SMYD3: variants seen among roughly 807,000 people sequenced by gnomAD.
The protein encoded by SMYD3 is histone-lysine N-methyltransferase SMYD3.
Under a neutral mutation model 57.7 loss-of-function variants are expected in SMYD3, and 36 were observed. That is an observed-to-expected ratio of 0.62 (90% CI 0.48 to 0.82). The LOEUF (loss-of-function observed/expected upper bound fraction) is 0.82. Ranked by LOEUF, SMYD3 falls within the 40% of genes least tolerant of loss-of-function variation. SMYD3 has a pLI of 0.00. For synonymous variants in SMYD3, 211 were observed against 195.0 expected, an observed-to-expected ratio of 1.08 and a Z score of -0.68; for missense variants, 515 against 538.8, an observed-to-expected ratio of 0.96 and a Z score of 0.44.
At chr1:246,224,453 G>C (rs1437511851) in intron 5 of SMYD3, among the ~76,000 whole-genome samples, 1 of 152,112 alleles carries the variant, frequency 6.6e-6, no homozygotes, top group South Asian at 2.1e-4. Flanking sequence ...CAATACATCA[G>C]AGAGGAAACC....
At chr1:246,088,613 GA>G (rs35382575) in intron 5 of SMYD3, among the ~76,000 whole-genome samples, 116,355 of 147,288 alleles carry the variant, frequency 0.79, 46,493 homozygotes, top group Admixed American at 0.84. Context: ...CCGTCTCAAA[GA>G]AAAAAAAAAG....
intron 5 of SMYD3, among the ~76,000 whole-genome samples, chr1:245,974,064 A>G (rs895442997): frequency 6.6e-6 from 1 of 151,978 alleles, no homozygotes; most frequent in South Asian, 2.1e-4. Flanking sequence ...CTTCCTCCAG[A>G]CCCTGACTTG....
At chr1:246,075,496 T>C (rs1345519692) in intron 5 of SMYD3, among the ~76,000 whole-genome samples, 1 of 152,160 alleles carries the variant, frequency 6.6e-6, no homozygotes, top group Non-Finnish European at 1.5e-5. Flanking sequence ...TCTAGAATCC[T>C]CTATCCAGCA....
At chr1:246,138,089 T>C (rs991178405) in intron 5 of SMYD3, among the ~76,000 whole-genome samples, 1 of 152,170 alleles carries the variant, frequency 6.6e-6, no homozygotes, top group Non-Finnish European at 1.5e-5. Flanking sequence ...TAAATCCAGC[T>C]GAATAAAAAT....
At chr1:245,803,362 G>T (rs999128458) in intron 10 of SMYD3, among the ~76,000 whole-genome samples, 3 of 151,998 alleles carry the variant, frequency 2.0e-5, no homozygotes, top group Admixed American at 6.5e-5. Flanking sequence ...CTGTTGCTGA[G>T]AAACAATTAC....
At chr1:246,298,218 C>A (rs946197196) in intron 5 of SMYD3, among the ~76,000 whole-genome samples, 1 of 146,302 alleles carries the variant, frequency 6.8e-6, no homozygotes, top group African/African-American at 2.7e-5. Context: ...AGCAAGAGCA[C>A]ACTGAGGTAA....
chr1:246,155,971 A>T (rs1005602356), intron 5 of SMYD3, among the ~76,000 whole-genome samples: 3 of 151,954 alleles, frequency 2.0e-5, no homozygotes, highest in African/African-American at 7.3e-5. Context: ...TGGGTGACAG[A>T]GCGAGACTAT....
chr1:246,494,930 C>G (rs936611894), intron 1 of SMYD3, among the ~76,000 whole-genome samples: 14 of 152,296 alleles, frequency 9.2e-5, no homozygotes, highest in African/African-American at 3.1e-4. Flanking sequence ...CTAATCCCAG[C>G]TGTGGCAATT....
intron 10 of SMYD3, among the ~76,000 whole-genome samples, chr1:245,809,153 T>G (rs940737512): frequency 1.3e-5 from 2 of 152,218 alleles, no homozygotes; most frequent in Admixed American, 1.3e-4. Flanking sequence ...TGCTGCTCAC[T>G]ACTATCAAAC....
At chr1:245,830,592 C>G (rs1051170205) in intron 10 of SMYD3, among the ~76,000 whole-genome samples, 4 of 152,178 alleles carry the variant, frequency 2.6e-5, no homozygotes, top group Non-Finnish European at 4.4e-5. Flanking sequence ...TTCTGTAACT[C>G]TATAGAGAAT....
rs897510279 is a variant in SMYD3 at position 245,810,431 on chromosome 1, T to C, written c.1077-46282A>G. On this transcript the variant is annotated intron_variant, in intron 10 of 11. Transcript: ENST00000490107. ...ATCCTCCTTACTCCCTTCCCAGAAC[T>C]CTAAGCATCCTTGTACAGATGGCAT... Among the ~76,000 whole-genome samples the C allele has an allele frequency of 2.6e-5, 4 of 152,280 alleles. No individual in the cohort carries two copies. The South Asian group carries it at 8.3e-4, about 32-fold the overall frequency.
intron 8 of SMYD3, among the ~76,000 whole-genome samples, chr1:245,870,516 G>T (rs1402000649): frequency 1.3e-5 from 2 of 152,134 alleles, no homozygotes; most frequent in African/African-American, 4.8e-5. Flanking sequence ...ATCTATCCCT[G>T]CATGAATCAG....
At chr1:246,018,595 T>C (rs1165212140) in intron 5 of SMYD3, among the ~76,000 whole-genome samples, 1 of 152,182 alleles carries the variant, frequency 6.6e-6, no homozygotes, top group African/African-American at 2.4e-5. Flanking sequence ...ACACACCTCA[T>C]TGATTTTAAA....
At chr1:245,962,176 C>G (rs1257684745) in intron 5 of SMYD3, among the ~76,000 whole-genome samples, 1 of 152,090 alleles carries the variant, frequency 6.6e-6, no homozygotes, top group Non-Finnish European at 1.5e-5. Context: ...GAGAAAAAAC[C>G]ATTTAAAAAC....
At chr1:245,972,742 T>A (rs1040273739) in intron 5 of SMYD3, among the ~76,000 whole-genome samples, 1 of 152,212 alleles carries the variant, frequency 6.6e-6, no homozygotes, top group African/African-American at 2.4e-5. Flanking sequence ...GGCTCCTTTT[T>A]CCACTTCTTG....
At chr1:246,326,629 T>C in intron 5 of SMYD3, 1 of 376,026 alleles carries the variant, frequency 2.7e-6, no homozygotes, top group Admixed American at 4.4e-5. Flanking sequence ...CTGGGCGTGG[T>C]GGCTCATGCC....
At chr1:246,103,630 C>G (rs144517569) in intron 5 of SMYD3, among the ~76,000 whole-genome samples, 1 of 152,100 alleles carries the variant, frequency 6.6e-6, no homozygotes, top group Non-Finnish European at 1.5e-5. Context: ...CTAATCTCTC[C>G]CCTTCTAGTC....
chr1:246,247,412 T>C (rs1395362554), intron 5 of SMYD3, among the ~76,000 whole-genome samples: 1 of 96,574 alleles, frequency 1.0e-5, no homozygotes, highest in Non-Finnish European at 2.1e-5. Context: ...AGATTTTGCC[T>C]CTAGCACTGT....
chr1:246,239,023 C>A (rs1216245713), intron 5 of SMYD3, among the ~76,000 whole-genome samples: 1 of 151,684 alleles, frequency 6.6e-6, no homozygotes, highest in Non-Finnish European at 1.5e-5. Flanking sequence ...GACACTTGAG[C>A]CCACCACGAA....
Sources: allele counts gnomAD v4.1 joint callset (sites outside exome capture counted in the v4.1 genomes callset), GRCh38; gene constraint gnomAD v4.1.1; transcripts MANE v1.5; gene names NCBI Gene and HGNC (gene_info 2026-07-23, HGNC 2026-07-21).